TM9SF2: variants seen among roughly 807,000 people sequenced by gnomAD.
The protein encoded by TM9SF2 is 76 kDa membrane protein.
In TM9SF2, 13 loss-of-function variants were observed where a neutral mutation model predicts 84.9. That is an observed-to-expected ratio of 0.15 (90% confidence interval 0.10 to 0.24). The LOEUF (loss-of-function observed/expected upper bound fraction) is 0.24, where lower values mean the gene tolerates loss of function less well. Ranked by LOEUF, TM9SF2 falls within the 10% of genes least tolerant of loss-of-function variation. The pLI is 1.00. For missense variants in TM9SF2, 562 were observed against 818.5 expected, an observed-to-expected ratio of 0.69 and a Z score of 3.82; for synonymous variants, 273 against 285.8, an observed-to-expected ratio of 0.96 and a Z score of 0.45.
intron 1 of TM9SF2, among the ~76,000 whole-genome samples, chr13:99,508,472 A>G (rs779327616): frequency 6.6e-6 from 1 of 151,254 alleles, no homozygotes; most frequent in Non-Finnish European, 1.5e-5. Context: ...TACTCCAAGA[A>G]CATATAAATA....
chr13:99,557,746 G>A (rs1241371393), intron 15 of TM9SF2, among the ~76,000 whole-genome samples: 1 of 151,870 alleles, frequency 6.6e-6, no homozygotes, highest in Non-Finnish European at 1.5e-5. Context: ...TTAGCTGGGT[G>A]TGATGGCTTA....
chr13:99,536,500 G>A, intron 4 of TM9SF2, 108 bp from the exon 5 acceptor site: 1 of 1,318,670 alleles, frequency 7.6e-7, no homozygotes, highest in South Asian at 1.4e-5. Context: ...GTAATCTTAA[G>A]GCATTTACAC....
intron 1 of TM9SF2, among the ~76,000 whole-genome samples, chr13:99,508,960 A>T (rs2046101558): frequency 6.6e-6 from 1 of 152,188 alleles, no homozygotes; most frequent in African/African-American, 2.4e-5. Context: ...GCAAAATACA[A>T]TCATGCCTTC....
chr13:99,556,498 T>G (rs1170144742), intron 15 of TM9SF2, among the ~76,000 whole-genome samples: 2 of 152,242 alleles, frequency 1.3e-5, no homozygotes, highest in African/African-American at 2.4e-5. Flanking sequence ...ATATGTGACC[T>G]TTTGTGTGTG....
At chr13:99,514,686 C>T (rs369095573) in intron 1 of TM9SF2, among the ~76,000 whole-genome samples, 17 of 152,196 alleles carry the variant, frequency 1.1e-4, no homozygotes, top group East Asian at 3.8e-4. Context: ...ACACAGAGGC[C>T]GTTAGCCTCC....
chr13:99,539,460 A>G lies in TM9SF2; in HGVS notation c.731A>G (p.His244Arg). The change falls in exon 7 of 17, where the codon CAT becomes CGT. Residue 244 changes from histidine to arginine, a missense_variant. This residue lies in a region of TM9SF2 where 267 missense variants were observed against 316.7 expected (regional missense o/e 0.84). Transcript: ENST00000376387. ...TCTTCCCACAGCTTCAAACATACCCATATAGATAAACCAGACTGCTCAGGG... is the reference window on the plus strand; with the variant it reads ...TCTTCCCACAGCTTCAAACATACCCGTATAGATAAACCAGACTGCTCAGGG... Reference protein sequence around the residue: ...KLEPKSFKHTHIDKPDCSGPP... With the variant: ...KLEPKSFKHTRIDKPDCSGPP... The G allele has an allele frequency of 6.2e-7, 1 of 1,611,948 alleles. No homozygotes were observed. Among genetic ancestry groups the G allele is most frequent in the Non-Finnish European group, 8.5e-7 (1 of 1,178,034 alleles).
At chr13:99,504,997 G>T (rs2046082539) in intron 1 of TM9SF2, among the ~76,000 whole-genome samples, 2 of 151,714 alleles carry the variant, frequency 1.3e-5, no homozygotes, top group African/African-American at 4.9e-5. Flanking sequence ...AAAATTCTAG[G>T]TAAAGACAAG....
chr13:99,517,314 C>T (rs1337453704), intron 1 of TM9SF2, among the ~76,000 whole-genome samples: 8 of 151,966 alleles, frequency 5.3e-5, no homozygotes, highest in Non-Finnish European at 1.0e-4. Context: ...TTTGTAGGAA[C>T]GGGGTCTCGC....
chr13:99,525,063 C>T (rs1436255178), intron 3 of TM9SF2, among the ~76,000 whole-genome samples: 1 of 152,058 alleles, frequency 6.6e-6, no homozygotes, highest in East Asian at 1.9e-4. Flanking sequence ...TTGGGTTTAG[C>T]CTTCAATGTT....
chr13:99,522,211 G>A (rs1201495031), intron 3 of TM9SF2, among the ~76,000 whole-genome samples: 3 of 152,080 alleles, frequency 2.0e-5, no homozygotes, highest in African/African-American at 4.8e-5. Context: ...CGTAGAGATG[G>A]GGTTTTGCCA....
intron 11 of TM9SF2, among the ~76,000 whole-genome samples, chr13:99,548,373 G>A (rs1475851402): frequency 6.6e-6 from 1 of 152,162 alleles, no homozygotes; most frequent in Admixed American, 6.5e-5. Flanking sequence ...ACATATATAT[G>A]ATCTTATGTG....
chr13:99,562,566 C>A, intron 16 of TM9SF2, 125 bp from the exon 17 acceptor site: 1 of 753,712 alleles, frequency 1.3e-6, no homozygotes, highest in Non-Finnish European at 2.1e-6. Flanking sequence ...GTAGTATATT[C>A]CCGGTGGGTA....
At chr13:99,553,222 G>A (rs1185641217) in intron 13 of TM9SF2, among the ~76,000 whole-genome samples, 1 of 152,220 alleles carries the variant, frequency 6.6e-6, no homozygotes, top group Non-Finnish European at 1.5e-5. Flanking sequence ...CAAGTCCACA[G>A]GGTAAAAGAA....
At chr13:99,519,287 G>A (rs1222990060) in intron 2 of TM9SF2, among the ~76,000 whole-genome samples, 1 of 150,502 alleles carries the variant, frequency 6.6e-6, no homozygotes, top group Non-Finnish European at 1.5e-5. Context: ...GAACTTCCCA[G>A]CCCCAGTTTT....
chr13:99,549,010 A>G (rs544159539), intron 11 of TM9SF2, among the ~76,000 whole-genome samples, 155 bp from the exon 12 acceptor site: 5 of 152,240 alleles, frequency 3.3e-5, no homozygotes, highest in Non-Finnish European at 7.3e-5. Flanking sequence ...GGATTATTTA[A>G]TAAAGGAATA....
At chr13:99,526,324 A>G (rs1484986777) in intron 3 of TM9SF2, among the ~76,000 whole-genome samples, 1 of 152,264 alleles carries the variant, frequency 6.6e-6, no homozygotes, top group Admixed American at 6.5e-5. Flanking sequence ...GGATTTAACC[A>G]GGTTTGTGGT....
chr13:99,559,549 TAA>T lies in TM9SF2; in HGVS notation c.1924+16_1924+17del. The T allele has an allele frequency of 6.4e-7, 1 of 1,563,512 alleles. No homozygotes were observed. Among genetic ancestry groups the T allele is most frequent in the Non-Finnish European group, 8.6e-7 (1 of 1,156,208 alleles). On this transcript the variant is annotated intron_variant, in intron 16 of 16. Transcript: ENST00000376387. ...TCTTTTTACAGGTAAAATTATAATT[TAA>T]GTGATTATTTTTATTTTGTAAGTTT...
At chr13:99,518,176 A>G (rs981718519) in intron 2 of TM9SF2, among the ~76,000 whole-genome samples, 5 of 152,194 alleles carry the variant, frequency 3.3e-5, no homozygotes, top group Admixed American at 1.3e-4. Flanking sequence ...CAGTGGCGCA[A>G]TCTTGGCTTG....
intron 6 of TM9SF2, 51 bp from the exon 7 acceptor site, chr13:99,539,395 T>C: frequency 8.7e-7 from 1 of 1,152,422 alleles, no homozygotes; most frequent in East Asian, 2.3e-5. Context: ...TTACCTCATT[T>C]TTAAAAAGTT....
Sources: allele counts gnomAD v4.1 joint callset (sites outside exome capture counted in the v4.1 genomes callset), GRCh38; gene constraint gnomAD v4.1.1; regional missense constraint gnomAD v4.1.1; transcripts MANE v1.5; gene names NCBI Gene and HGNC (gene_info 2026-07-23, HGNC 2026-07-21).